DENND1B: variants seen among roughly 807,000 people sequenced by gnomAD.
DENND1B encodes DENN domain containing 1B.
A neutral mutation model predicts 90.1 loss-of-function variants in DENND1B; 59 were observed. The observed-to-expected ratio is 0.65, with a 90% CI of 0.53 to 0.81. The LOEUF (loss-of-function observed/expected upper bound fraction) is 0.81, where lower values mean the gene tolerates loss of function less well. Among genes scored for constraint, DENND1B ranks in the 40% least tolerant of loss-of-function variants. The pLI, the probability that DENND1B is intolerant of heterozygous loss-of-function variation, is 0.00. For synonymous variants in DENND1B, 337 were observed against 324.6 expected (o/e 1.04, Z -0.41); for missense variants, 862 against 912.6 (o/e 0.94, Z 0.71).
In DENND1B at chr1:197,688,526, T is replaced by C. The variant is rs1163476470; in HGVS notation, c.127-14357A>G. 3.3e-5 allele frequency among the ~76,000 whole-genome samples: 5 copies of C among 152,096 alleles called. 1 individual carries two copies. Among genetic ancestry groups the C allele is most frequent in the South Asian group, 4.2e-4 (2 of 4,818 alleles). On this transcript the variant is annotated intron_variant, in intron 3 of 22. Coordinates refer to ENST00000620048, the MANE Select transcript of DENND1B (RefSeq NM_001195215.2). ...TCAGAAATAAACCCATGCAAATATG[T>C]TCAACTAATTTTCAACAAGGGTACC...
chr1:197,753,985 CA>C (rs1223399021), intron 2 of DENND1B, among the ~76,000 whole-genome samples: 1 of 151,342 alleles, frequency 6.6e-6, no homozygotes, highest in African/African-American at 2.4e-5. Flanking sequence ...GGCAACAGAG[CA>C]AGATTCTAAA....
chr1:197,745,244 T>C (rs1663602403), intron 2 of DENND1B, among the ~76,000 whole-genome samples: 1 of 152,174 alleles, frequency 6.6e-6, no homozygotes, highest in Non-Finnish European at 1.5e-5. Flanking sequence ...CACAAACAGT[T>C]AGTCGGGTGC....
rs115796683 is a variant in DENND1B, at chr1:197,543,373, T to C, written c.1351-2358A>G. Reference sequence around the variant, plus strand: ...ACATGTTTGCTTCATTGCTGCGCTTTTGTGAAAAATATGAGTGAAATTAAG... The same window carrying C: ...ACATGTTTGCTTCATTGCTGCGCTTCTGTGAAAAATATGAGTGAAATTAAG... On this transcript the variant is annotated intron_variant, in intron 18 of 22. Coordinates refer to ENST00000620048, the MANE Select transcript of DENND1B (RefSeq NM_001195215.2). Among the ~76,000 whole-genome samples the C allele has an allele frequency of 8.6e-3, 1,306 of 152,284 alleles. 9 individuals are homozygous for C. Among genetic ancestry groups the C allele is most frequent in the African/African-American group, 0.029 (1,205 of 41,552 alleles).
intron 7 of DENND1B, among the ~76,000 whole-genome samples, chr1:197,650,696 T>C (rs1451836878): frequency 1.3e-5 from 2 of 152,190 alleles, no homozygotes; most frequent in African/African-American, 4.8e-5. Flanking sequence ...TAAAAAGGAA[T>C]GAATTAACAG....
At chr1:197,578,966 G>C (rs1023160982) in intron 15 of DENND1B, among the ~76,000 whole-genome samples, 2 of 152,148 alleles carry the variant, frequency 1.3e-5, no homozygotes, top group African/African-American at 4.8e-5. Flanking sequence ...GTTTCACTAT[G>C]CTGCCCAGGC....
At chr1:197,651,954 G>C (rs1489642358) in intron 7 of DENND1B, among the ~76,000 whole-genome samples, 1 of 151,948 alleles carries the variant, frequency 6.6e-6, no homozygotes, top group Non-Finnish European at 1.5e-5. Flanking sequence ...ACCGGGCCCA[G>C]CCAAATCAAT....
chr1:197,550,014 C>T (rs184578902), intron 16 of DENND1B, among the ~76,000 whole-genome samples: 20 of 152,128 alleles, frequency 1.3e-4, no homozygotes, highest in Admixed American at 3.9e-4. Flanking sequence ...TCATAACCAT[C>T]GGCATTAACA....
At chr1:197,552,728 A>T (rs1671343186) in intron 16 of DENND1B, 2 of 1,163,924 alleles carry the variant, frequency 1.7e-6, no homozygotes, top group Middle Eastern at 3.5e-4. Flanking sequence ...AGAAGGAAAG[A>T]CAGGAAGATA....
At position 197,546,610 on chromosome 1, in the gene DENND1B, A is replaced by T. The variant is rs181127019; in HGVS notation, c.1281+123T>A. On this transcript the variant is annotated intron_variant, in intron 17 of 22. Transcript: ENST00000620048. ...GTAAAATAAGAATATTTAAAATGTGACAAAATATACAAACATTTCAAATAT... is the reference window on the plus strand; with the variant it reads ...GTAAAATAAGAATATTTAAAATGTGTCAAAATATACAAACATTTCAAATAT... 1.6e-3 allele frequency: 1,359 copies of T among 862,078 alleles called. 2 individuals carry two copies. Among genetic ancestry groups the T allele is most frequent in the Middle Eastern group, 4.0e-3 (13 of 3,282 alleles). The allele number at this position is 862,078 out of a possible 1,614,324, so 53.4% of individuals were successfully genotyped here.
rs1486673779 is a variant in DENND1B, at chr1:197,617,777, A to T, written c.673-18T>A. On this transcript the variant is annotated intron_variant, in intron 10 of 22. Transcript: ENST00000620048. Reference sequence around the variant, plus strand: ...GCAGTTAACTGAAATTTGTAAAAGGATAACAAAAATAAGTAGCTGCTGACC... The same window carrying T: ...GCAGTTAACTGAAATTTGTAAAAGGTTAACAAAAATAAGTAGCTGCTGACC... The T allele has an allele frequency of 1.9e-6, 3 of 1,572,398 alleles. No homozygotes were observed. The Admixed American group carries it at 5.0e-5, about 26-fold the overall frequency.
chr1:197,716,958 ACT>A (rs1474418362), intron 2 of DENND1B, among the ~76,000 whole-genome samples: 2 of 151,528 alleles, frequency 1.3e-5, no homozygotes, highest in African/African-American at 2.4e-5. Context: ...TTTTCTGTAT[ACT>A]CTGTTTTTTC....
intron 5 of DENND1B, among the ~76,000 whole-genome samples, chr1:197,671,672 C>T (rs1181872405): frequency 6.6e-6 from 1 of 152,090 alleles, no homozygotes; most frequent in Admixed American, 6.6e-5. Context: ...AGCAGCAGTT[C>T]ACTTTTAAAA....
chr1:197,549,117 T>C (rs903500551), intron 16 of DENND1B, among the ~76,000 whole-genome samples: 2 of 152,140 alleles, frequency 1.3e-5, no homozygotes, highest in East Asian at 1.9e-4. Context: ...ATGGCAATAA[T>C]AGGCATTACT....
chr1:197,610,383 T>C (rs1171686578), intron 12 of DENND1B, among the ~76,000 whole-genome samples: 1 of 150,608 alleles, frequency 6.6e-6, no homozygotes, highest in African/African-American at 2.4e-5. Context: ...ATGTTTAAAA[T>C]ATATACCCTT....
chr1:197,763,996 T>G (rs1343610388), intron 2 of DENND1B, among the ~76,000 whole-genome samples: 10 of 152,262 alleles, frequency 6.6e-5, no homozygotes, highest in African/African-American at 2.2e-4. Flanking sequence ...GTTTAAGCTC[T>G]TCTTCTGATG....
At chr1:197,591,714 T>A (rs894014312) in intron 14 of DENND1B, among the ~76,000 whole-genome samples, 3 of 152,204 alleles carry the variant, frequency 2.0e-5, no homozygotes, top group Non-Finnish European at 4.4e-5. Context: ...TTAAGAAAAT[T>A]CCTAAGATTT....
intron 13 of DENND1B, among the ~76,000 whole-genome samples, chr1:197,601,001 A>C (rs1261691387): frequency 6.6e-6 from 1 of 151,136 alleles, no homozygotes; most frequent in Non-Finnish European, 1.5e-5. Flanking sequence ...TTCCCGTGCC[A>C]CTGAGCTACA....
chr1:197,607,645 A>G (rs572540264), intron 12 of DENND1B, among the ~76,000 whole-genome samples: 79 of 150,876 alleles, frequency 5.2e-4, no homozygotes, highest in Middle Eastern at 6.8e-3. Context: ...ACAAAAAGGT[A>G]TATGTTGGTG....
At position 197,627,276 on chromosome 1, in the gene DENND1B, T is replaced by C. The variant is rs181414204; in HGVS notation, c.673-9517A>G. Among the ~76,000 whole-genome samples, 1,214 of 152,232 alleles carry C rather than the reference T, an allele frequency of 8.0e-3. 17 individuals are homozygous for C. Among genetic ancestry groups the C allele is most frequent in the African/African-American group, 0.027 (1,114 of 41,524 alleles). Reference sequence around the variant, plus strand: ...TTGATGAACATTGATGCAAAAATCCTCAATAGAATACTGGAAAACCGAATC... The same window carrying C: ...TTGATGAACATTGATGCAAAAATCCCCAATAGAATACTGGAAAACCGAATC... On this transcript the variant is annotated intron_variant, in intron 10 of 22. Coordinates refer to ENST00000620048, the MANE Select transcript of DENND1B (RefSeq NM_001195215.2).
Sources: allele counts gnomAD v4.1 joint callset (sites outside exome capture counted in the v4.1 genomes callset), GRCh38; gene constraint gnomAD v4.1.1; transcripts MANE v1.5; gene names NCBI Gene and HGNC (gene_info 2026-07-23, HGNC 2026-07-21).